The following AOX1 variants were observed in gnomAD, a reference collection of about 807,000 sequenced individuals.
The protein encoded by AOX1 is aldehyde oxidase 1.
Under a neutral mutation model 169.5 loss-of-function variants are expected in AOX1, and 153 were observed. The observed-to-expected ratio is 0.90, with a 90% CI of 0.79 to 1.03. AOX1 has a LOEUF of 1.03. AOX1 is among the 50% of genes least tolerant of loss of function. AOX1 has a pLI of 0.00. For missense variants in AOX1, 1,656 were observed against 1,663.9 expected (o/e 1.00, Z 0.08); for synonymous variants, 562 against 581.9 (o/e 0.97, Z 0.49).
chr2:200,631,140 C>T (rs931259204), intron 20 of AOX1, among the ~76,000 whole-genome samples: 9 of 152,134 alleles, frequency 5.9e-5, no homozygotes, highest in African/African-American at 1.2e-4. Flanking sequence ...TTATCTGCTG[C>T]GAAGATATAT....
chr2:200,597,567 C>G, intron 4 of AOX1, 62 bp downstream of exon 4: 2 of 1,304,872 alleles, frequency 1.5e-6, no homozygotes, highest in East Asian at 2.4e-5. Flanking sequence ...ACATTGAGTC[C>G]CTGAGATTAA....
At chr2:200,610,986 T>C (rs1271116098) in intron 12 of AOX1, among the ~76,000 whole-genome samples, 2 of 152,182 alleles carry the variant, frequency 1.3e-5, no homozygotes, top group African/African-American at 4.8e-5. Context: ...CCTGAGTAGC[T>C]GGGACTACAG....
intron 33 of AOX1, 145 bp from the exon 34 acceptor site, chr2:200,669,430 A>C (rs996759352): frequency 1.2e-6 from 1 of 850,704 alleles, no homozygotes; most frequent in African/African-American, 1.7e-5. Context: ...ATGCTTGGGC[A>C]ACAGAGCCAG....
At position 200,654,748 on chromosome 2, in the gene AOX1, C is replaced by G. The variant is rs1574955583; in HGVS notation, c.3076-2094C>G. Among the ~76,000 whole-genome samples the G allele has an allele frequency of 2.6e-5, 4 of 152,362 alleles. No homozygotes were observed. The South Asian group carries it at 8.3e-4, about 32-fold the overall frequency. On this transcript the variant is annotated intron_variant, in intron 26 of 34. Coordinates refer to ENST00000374700, the MANE Select transcript of AOX1 (RefSeq NM_001159.4). ...TGTTTGAAGATTTAAATTTCCCCGA[C>G]TAGGTCCTCTACTTATGTTGGAGGA...
chr2:200,627,033 G>A (rs530888109), intron 19 of AOX1, among the ~76,000 whole-genome samples: 2 of 152,352 alleles, frequency 1.3e-5, no homozygotes, highest in African/African-American at 4.8e-5. Flanking sequence ...TATGGCCTTG[G>A]CTACATGAAA....
chr2:200,664,836 C>G (rs1483231849), intron 31 of AOX1, among the ~76,000 whole-genome samples: 2 of 152,334 alleles, frequency 1.3e-5, no homozygotes, highest in African/African-American at 4.8e-5. Flanking sequence ...ACAAATTACC[C>G]CCAAACTTAG....
rs1157703570 is a variant in AOX1, at chr2:200,587,991, C to T, written c.45+1838C>T. 4.6e-5 allele frequency among the ~76,000 whole-genome samples: 7 copies of T among 152,186 alleles called. No individual in the cohort carries two copies. The East Asian group carries it at 5.8e-4, about 13-fold the overall frequency. On this transcript the variant is annotated intron_variant, in intron 1 of 34. Transcript: ENST00000374700. ...GAGATACAGCAGAGCACAGAAATAA[C>T]AAGTCCTTGCGTGCATGGAGCTTAC...
At chr2:200,630,912 G>A (rs562310711) in intron 20 of AOX1, among the ~76,000 whole-genome samples, 1 of 152,276 alleles carries the variant, frequency 6.6e-6, no homozygotes, top group Non-Finnish European at 1.5e-5. Flanking sequence ...TAATACCTAA[G>A]TGATGGGTTC....
chr2:200,669,170 G>A (rs1443173712), intron 33 of AOX1, among the ~76,000 whole-genome samples: 7 of 152,188 alleles, frequency 4.6e-5, no homozygotes, highest in African/African-American at 7.2e-5. Context: ...TAGGCCGGGC[G>A]CAGTGGCTCA....
At chr2:200,642,078 G>C (rs765998761) in intron 24 of AOX1, among the ~76,000 whole-genome samples, 36 of 152,088 alleles carry the variant, frequency 2.4e-4, no homozygotes, top group Non-Finnish European at 3.4e-4. Context: ...GCAGTGAGCC[G>C]AGATTTCACC....
At chr2:200,631,114 C>T (rs1156960131) in intron 20 of AOX1, among the ~76,000 whole-genome samples, 1 of 152,172 alleles carries the variant, frequency 6.6e-6, no homozygotes, top group Admixed American at 6.5e-5. Flanking sequence ...GGAGGGAGAA[C>T]TATTATTGTT....
chr2:200,598,815 G>A (rs1257213991), intron 4 of AOX1, among the ~76,000 whole-genome samples: 1 of 151,858 alleles, frequency 6.6e-6, no homozygotes, highest in African/African-American at 2.4e-5. Context: ...AAAGATAGAA[G>A]GAAAAGATAG....
chr2:200,666,730 A>G lies in AOX1; in HGVS notation c.3587A>G (p.Asn1196Ser). Residue 1196 changes from asparagine (N) to serine (S), a missense_variant, in exon 32 of 35, where the codon AAT (asparagine) becomes AGT (serine). Asn to Ser is a conservative substitution (Grantham distance 46). Coordinates refer to ENST00000374700, the MANE Select transcript of AOX1 (RefSeq NM_001159.4). ...DIVMDVGCSI[N>S]PAIDIGQIEG... ...GTCATGGATGTTGGCTGCAGTATAA[A>G]TCCAGCCATTGACATAGGCCAGGTA... 1 of 1,611,202 alleles carries G rather than the reference A, an allele frequency of 6.2e-7. No individual in the cohort carries two copies. The highest frequency in any genetic ancestry group is 8.5e-7 in the Non-Finnish European group (1 of 1,179,274).
At chr2:200,615,509 G>A (rs2034736315) in intron 15 of AOX1, among the ~76,000 whole-genome samples, 1 of 152,144 alleles carries the variant, frequency 6.6e-6, no homozygotes, top group South Asian at 2.1e-4. Flanking sequence ...CAGGGATGCA[G>A]CCTGTGTCCC....
At chr2:200,678,987 A>T (rs1001154702), downstream of AOX1, among the ~76,000 whole-genome samples, 1 of 152,236 alleles carries the variant, frequency 6.6e-6, no homozygotes, top group Non-Finnish European at 1.5e-5. Flanking sequence ...TATCTGACCA[A>T]CCATCACAAC....
At chr2:200,621,088 C>T in intron 17 of AOX1, 32 bp from the exon 18 acceptor site, 2 of 1,595,322 alleles carry the variant, frequency 1.3e-6, no homozygotes, top group Non-Finnish European at 1.7e-6. Context: ...TCTATGGCCA[C>T]TCTAAGGAGC....
intron 20 of AOX1, among the ~76,000 whole-genome samples, chr2:200,633,349 T>C (rs7595235): frequency 0.022 from 3,425 of 152,236 alleles, 125 homozygotes; most frequent in African/African-American, 0.074. Context: ...AGATCTTTTG[T>C]TATAGCCAAT....
chr2:200,647,145 T>C (rs1227606390), intron 25 of AOX1, among the ~76,000 whole-genome samples: 4 of 151,988 alleles, frequency 2.6e-5, no homozygotes, highest in African/African-American at 4.8e-5. Flanking sequence ...TATTTTTTTG[T>C]TTTTGCTTTT....
chr2:200,641,383 C>T (rs1040858030), intron 24 of AOX1, among the ~76,000 whole-genome samples, 199 bp downstream of exon 24: 1 of 152,026 alleles, frequency 6.6e-6, no homozygotes, highest in Non-Finnish European at 1.5e-5. Context: ...TGTGTGTTAC[C>T]CCCCGGCTTC....
Sources: gnomAD v4.1 joint callset for allele counts (sites outside exome capture counted in the v4.1 genomes callset) on GRCh38, gnomAD v4.1.1 for gene constraint, MANE v1.5 for transcripts, NCBI Gene and HGNC (gene_info 2026-07-23, HGNC 2026-07-21) for gene names.